The following ANK2 variants were observed in gnomAD, a reference collection of about 807,000 sequenced individuals.
The protein encoded by ANK2 is ankyrin 2, also known as ankyrin-2.
A neutral mutation model predicts 360.5 loss-of-function variants in ANK2; 83 were observed. The observed-to-expected ratio is 0.23, with a 90% CI of 0.19 to 0.28. The LOEUF (loss-of-function observed/expected upper bound fraction) is 0.28. ANK2 is among the 10% of genes least tolerant of loss of function. The pLI is 1.00. For synonymous variants in ANK2, 1,740 were observed against 1,759.5 expected (o/e 0.99, Z 0.28); for missense variants, 4,201 against 4,795.7 (o/e 0.88, Z 3.66).
At chr4:113,087,507 T>C (rs1300318056) in intron 1 of ANK2, among the ~76,000 whole-genome samples, 2 of 152,180 alleles carry the variant, frequency 1.3e-5, no homozygotes, top group Non-Finnish European at 2.9e-5. Context: ...CTAAACTCAT[T>C]GTTTTCCTGT....
chr4:112,934,114 G>C (rs548984682), intron 2 of ANK2, among the ~76,000 whole-genome samples: 1 of 152,156 alleles, frequency 6.6e-6, no homozygotes, highest in South Asian at 2.1e-4. Context: ...AATTCACCTA[G>C]TGTAGTTTCG....
At chr4:112,814,005 C>A (rs939265798), upstream of ANK2, among the ~76,000 whole-genome samples, 6 of 152,174 alleles carry the variant, frequency 3.9e-5, no homozygotes, top group South Asian at 6.2e-4. Flanking sequence ...AGTGAGGTCA[C>A]AGGCAAATCT....
intron 2 of ANK2, among the ~76,000 whole-genome samples, chr4:112,924,932 C>T (rs987915308): frequency 6.6e-6 from 1 of 151,336 alleles, no homozygotes; most frequent in Non-Finnish European, 1.5e-5. Context: ...TCCACCTCCC[C>T]GGTTCACGCA....
intron 1 of ANK2, among the ~76,000 whole-genome samples, chr4:112,861,868 A>AGAG (rs201880535): frequency 6.6e-6 from 1 of 151,680 alleles, no homozygotes; most frequent in South Asian, 2.1e-4. Flanking sequence ...AGAGAGAGAG[A>AGAG]AACTCTCACA....
chr4:112,723,114 TG>T, the ANK2 span, among the ~76,000 whole-genome samples: 1 of 152,240 alleles, frequency 6.6e-6, no homozygotes, highest in Non-Finnish European at 1.5e-5. Context: ...CAACAACTTC[TG>T]ATACACCTAC....
intron 26 of ANK2, among the ~76,000 whole-genome samples, chr4:113,318,950 G>C (rs1196987858): frequency 6.6e-6 from 1 of 152,156 alleles, no homozygotes; most frequent in Non-Finnish European, 1.5e-5. Flanking sequence ...AAAAAGAGGG[G>C]CTGAATCATG....
At chr4:113,016,592 T>A (rs2056698499) in intron 2 of ANK2, among the ~76,000 whole-genome samples, 1 of 152,152 alleles carries the variant, frequency 6.6e-6, no homozygotes, top group African/African-American at 2.4e-5. Context: ...ATTAGCTGAT[T>A]GTGTAATTCC....
At chr4:112,837,516 A>T (rs1169511098) in intron 1 of ANK2, among the ~76,000 whole-genome samples, 1 of 152,190 alleles carries the variant, frequency 6.6e-6, no homozygotes, top group Non-Finnish European at 1.5e-5. Context: ...CAGACCCAAG[A>T]ATGGTAGATC....
At chr4:113,273,988 T>G (rs766906011) in intron 14 of ANK2, among the ~76,000 whole-genome samples, 4 of 152,230 alleles carry the variant, frequency 2.6e-5, no homozygotes, top group Admixed American at 2.0e-4. Context: ...ATTTGTATCC[T>G]TGGCTTGCTG....
intron 1 of ANK2, among the ~76,000 whole-genome samples, chr4:113,075,566 G>C (rs2079578539): frequency 6.6e-6 from 1 of 152,150 alleles, no homozygotes; most frequent in Non-Finnish European, 1.5e-5. Context: ...GGAACAGAAA[G>C]ACATGAGGCT....
At chr4:112,862,326 T>C (rs1399623758) in intron 1 of ANK2, among the ~76,000 whole-genome samples, 1 of 152,242 alleles carries the variant, frequency 6.6e-6, no homozygotes, top group Non-Finnish European at 1.5e-5. Flanking sequence ...ATCTAATTAT[T>C]GCCCTTTGAT....
intron 26 of ANK2, among the ~76,000 whole-genome samples, chr4:113,321,379 G>C (rs1195235665): frequency 6.6e-6 from 1 of 152,164 alleles, no homozygotes; most frequent in Admixed American, 6.5e-5. Context: ...GCGTCAATGT[G>C]GTTCAATTCA....
intron 1 of ANK2, among the ~76,000 whole-genome samples, chr4:113,067,032 T>C (rs953540886): frequency 3.3e-5 from 5 of 151,944 alleles, no homozygotes; most frequent in Non-Finnish European, 5.9e-5. Flanking sequence ...GCTGGAGGCA[T>C]TGGCAGGTGT....
intron 4 of ANK2, among the ~76,000 whole-genome samples, chr4:113,204,101 G>C (rs955270023): frequency 6.6e-6 from 1 of 151,850 alleles, no homozygotes; most frequent in African/African-American, 2.4e-5. Flanking sequence ...ATAATTTTTA[G>C]TTCTCATATA....
At chr4:113,369,180 C>T (rs944361159) in intron 42 of ANK2, among the ~76,000 whole-genome samples, 1 of 152,132 alleles carries the variant, frequency 6.6e-6, no homozygotes, top group African/African-American at 2.4e-5. Context: ...TAAAATTCCT[C>T]GCATCCTCAA....
intron 2 of ANK2, among the ~76,000 whole-genome samples, chr4:113,038,179 GAGAGGCTAA>G (rs2062024819): frequency 6.6e-6 from 1 of 151,974 alleles, no homozygotes; most frequent in African/African-American, 2.4e-5. Context: ...AGTGAAAAGA[GAGAGGCTAA>G]AGAAAGTTCA....
At chr4:112,711,359 C>T in the ANK2 span, among the ~76,000 whole-genome samples, 1 of 152,014 alleles carries the variant, frequency 6.6e-6, no homozygotes, top group East Asian at 1.9e-4. Flanking sequence ...CCTATCTTTA[C>T]AAAAAATACA....
At chr4:113,345,553 A>T (rs1207013376) in intron 34 of ANK2, among the ~76,000 whole-genome samples, 2 of 152,206 alleles carry the variant, frequency 1.3e-5, no homozygotes, top group Non-Finnish European at 2.9e-5. Flanking sequence ...AAATTTGCTA[A>T]GAGATCTCAA....
At chr4:113,259,418 C>T (rs1398220753) in intron 13 of ANK2, among the ~76,000 whole-genome samples, 1 of 152,116 alleles carries the variant, frequency 6.6e-6, no homozygotes, top group Non-Finnish European at 1.5e-5. Flanking sequence ...AGAGAATGTC[C>T]AGTTTCACTT....
Sources: gnomAD v4.1 joint callset for allele counts (sites outside exome capture counted in the v4.1 genomes callset) on GRCh38, gnomAD v4.1.1 for gene constraint, MANE v1.5 for transcripts, NCBI Gene and HGNC (gene_info 2026-07-23, HGNC 2026-07-21) for gene names.